PLXNA2: variants seen among roughly 807,000 people sequenced by gnomAD.
The protein encoded by PLXNA2 is plexin A2, also known as plexin-A2.
A neutral mutation model predicts 193.5 loss-of-function variants in PLXNA2; 91 were observed. That is an observed-to-expected ratio of 0.47 (90% confidence interval 0.40 to 0.56). The LOEUF is 0.56. PLXNA2 is among the 20% of genes least tolerant of loss of function. PLXNA2 has a pLI of 0.00. For synonymous variants in PLXNA2, 997 were observed against 1,027.3 expected (o/e 0.97, Z 0.56); for missense variants, 1,995 against 2,503.2 (o/e 0.80, Z 4.33).
chr1:208,184,393 T>C (rs1669934375), intron 3 of PLXNA2, among the ~76,000 whole-genome samples: 3 of 151,432 alleles, frequency 2.0e-5, no homozygotes, highest in Admixed American at 2.0e-4. Flanking sequence ...TTTGCAATCA[T>C]ATTCTGCCTC....
In PLXNA2 at chr1:208,084,436, G is replaced by A. The variant is rs764921071; in HGVS notation, c.2242C>T (p.His748Tyr). 2.5e-6 allele frequency: 4 copies of A among 1,614,282 alleles called. No homozygotes were observed. The highest frequency in any genetic ancestry group is 1.1e-5 in the South Asian group (1 of 91,086). The change falls in exon 10 of 32, where the codon CAC becomes TAC. Residue 748 changes from histidine to tyrosine, a missense_variant. By Grantham distance (83) the His-to-Tyr change is moderately conservative. Transcript: ENST00000367033. ...TTGAAGCGCAGAGCGGGGACCCGGT[G>A]GATGGCTCCTTGTATGTTGAGGACA... is the stretch of plus-strand genomic sequence containing the variant. The part of the protein sequence containing the change: ...ECVLNIQGAI[H>Y]RVPALRFNSS...
chr1:208,159,228 T>C (rs1205253878), intron 3 of PLXNA2, among the ~76,000 whole-genome samples: 2 of 152,220 alleles, frequency 1.3e-5, no homozygotes, highest in East Asian at 3.9e-4. Context: ...CCTTTGTCCA[T>C]CTAACAGGCA....
At chr1:208,036,492 C>T (rs1409831) in intron 26 of PLXNA2, among the ~76,000 whole-genome samples, 4,066 of 152,144 alleles carry the variant, frequency 0.027, 164 homozygotes, top group African/African-American at 0.094. Context: ...TGAGCCTTAC[C>T]GGTCAGTGGG....
intron 3 of PLXNA2, among the ~76,000 whole-genome samples, chr1:208,198,794 T>G (rs7522653): frequency 0.22 from 32,802 of 152,212 alleles, 4,391 homozygotes; most frequent in Non-Finnish European, 0.3. Context: ...AATTGAATGC[T>G]AAAAAGCTAG....
At chr1:208,092,604 ATT>A (rs1169498275) in intron 9 of PLXNA2, among the ~76,000 whole-genome samples, 180 bp downstream of exon 9, 1 of 152,186 alleles carries the variant, frequency 6.6e-6, no homozygotes, top group East Asian at 1.9e-4. Flanking sequence ...CTCTGGGGTC[ATT>A]TGCTGCTACT....
At chr1:208,219,338 G>T (rs1671245385) in intron 1 of PLXNA2, among the ~76,000 whole-genome samples, 1 of 152,206 alleles carries the variant, frequency 6.6e-6, no homozygotes, top group Non-Finnish European at 1.5e-5. Flanking sequence ...AGCAGGGCCT[G>T]TTCCATCACT....
intron 13 of PLXNA2, among the ~76,000 whole-genome samples, chr1:208,060,320 C>T (rs903662340): frequency 1.3e-5 from 2 of 152,230 alleles, no homozygotes; most frequent in African/African-American, 4.8e-5. Context: ...ACGCACCAAA[C>T]AAATTGTTGC....
chr1:208,093,717 T>C (rs547882710), intron 8 of PLXNA2, among the ~76,000 whole-genome samples: 1 of 152,334 alleles, frequency 6.6e-6, no homozygotes, highest in South Asian at 2.1e-4. Context: ...CAGTAGGATA[T>C]GTGTGTGGTA....
rs572911895 is a variant in PLXNA2, at chr1:208,156,178, C to T, written c.1372-13715G>A. ...ATCAAAGGGAGAGGTTTCTCGGGTT[C>T]CTGAGATGACCTATGTTGGAATATT... On this transcript the variant is annotated intron_variant, in intron 3 of 31. Coordinates refer to ENST00000367033, the MANE Select transcript of PLXNA2 (RefSeq NM_025179.4). Among the ~76,000 whole-genome samples the T allele has an allele frequency of 8.5e-5, 13 of 152,206 alleles. No homozygotes were observed. In the South Asian group the frequency reaches 2.5e-3, roughly 29 times the overall value.
chr1:208,043,262 GA>G, intron 20 of PLXNA2, 59 bp from the exon 21 acceptor site: 1 of 1,571,800 alleles, frequency 6.4e-7, no homozygotes, highest in African/African-American at 1.3e-5. Context: ...GGAGGAGAAA[GA>G]GGGAGAAGAA....
At chr1:208,169,291 C>T (rs1045663472) in intron 3 of PLXNA2, among the ~76,000 whole-genome samples, 22 of 152,166 alleles carry the variant, frequency 1.4e-4, no homozygotes, top group African/African-American at 5.1e-4. Flanking sequence ...ATTCAAAAAC[C>T]GATAAACAAG....
chr1:208,169,292 G>A (rs934281992), intron 3 of PLXNA2, among the ~76,000 whole-genome samples: 1 of 152,194 alleles, frequency 6.6e-6, no homozygotes, highest in Non-Finnish European at 1.5e-5. Flanking sequence ...TTCAAAAACC[G>A]ATAAACAAGT....
intron 4 of PLXNA2, among the ~76,000 whole-genome samples, chr1:208,125,604 C>T (rs1208257965): frequency 6.6e-6 from 1 of 152,158 alleles, no homozygotes; most frequent in Non-Finnish European, 1.5e-5. Flanking sequence ...AAGCCCAATT[C>T]GAAGCATATT....
At chr1:208,213,627 G>A (rs572652969) in intron 2 of PLXNA2, among the ~76,000 whole-genome samples, 3 of 152,298 alleles carry the variant, frequency 2.0e-5, no homozygotes, top group Non-Finnish European at 2.9e-5. Context: ...TTTGATCTGA[G>A]ATTTCCATGT....
chr1:208,030,492 G>A (rs3811383), intron 29 of PLXNA2: 116,184 of 985,236 alleles, frequency 0.12, 7,289 homozygotes, highest in East Asian at 0.22. Flanking sequence ...TGGCAAAGTG[G>A]ACTGTGGGCT....
chr1:208,098,982 C>T lies in PLXNA2; in HGVS notation c.1608-13G>A, dbSNP rs1667007750. On this transcript the variant is annotated splice_polypyrimidine_tract_variant and intron_variant, in intron 5 of 31. Transcript: ENST00000367033. ...CCTGCGGGAGCACCTGCCATAAACA[C>T]AGATTCACAAGAGGTCAGGCCTCTG... 1.2e-6 allele frequency: 2 copies of T among 1,612,474 alleles called. No homozygotes were observed. Among genetic ancestry groups the T allele is most frequent in the Non-Finnish European group, 1.7e-6 (2 of 1,179,882 alleles).
chr1:208,148,869 T>A (rs1426353692), intron 3 of PLXNA2, among the ~76,000 whole-genome samples: 4 of 152,124 alleles, frequency 2.6e-5, no homozygotes, highest in African/African-American at 7.2e-5. Context: ...GGAGTGGAAA[T>A]GTGGGTTCTT....
intron 22 of PLXNA2, among the ~76,000 whole-genome samples, chr1:208,041,428 T>G (rs2102317345): frequency 6.6e-6 from 1 of 152,134 alleles, no homozygotes; most frequent in East Asian, 1.9e-4. Context: ...AGTGGGCATG[T>G]GTAGTGGATG....
At chr1:208,152,683 GCACACACACACA>G (rs56051287) in intron 3 of PLXNA2, among the ~76,000 whole-genome samples, 23 of 140,362 alleles carry the variant, frequency 1.6e-4, no homozygotes, top group African/African-American at 5.4e-4. Flanking sequence ...ACACACACAC[GCACACACACACA>G]CACACACACA....
Sources: gnomAD v4.1 joint callset for allele counts (sites outside exome capture counted in the v4.1 genomes callset) on GRCh38, gnomAD v4.1.1 for gene constraint, MANE v1.5 for transcripts, NCBI Gene and HGNC (gene_info 2026-07-23, HGNC 2026-07-21) for gene names.